The following MAP3K20 variants were observed in gnomAD, a reference collection of about 807,000 sequenced individuals.
MAP3K20 encodes the protein mitogen-activated protein kinase kinase kinase 20, also known as HCCS-4.
MAP3K20 carries 40 observed loss-of-function variants against 85.7 expected under a neutral mutation model. The ratio of observed to expected loss-of-function variants is 0.47; its 90% CI spans 0.36 to 0.61. The LOEUF is 0.61. Ranked by LOEUF, MAP3K20 falls within the 20% of genes least tolerant of loss-of-function variation. The probability of loss-of-function intolerance (pLI) is 0.00; values close to 1 mark genes in which losing one functional copy is unlikely to be tolerated. For synonymous variants in MAP3K20, 325 were observed against 327.7 expected (o/e 0.99, Z 0.09); for missense variants, 817 against 961.7 (o/e 0.85, Z 1.99).
intron 2 of MAP3K20, among the ~76,000 whole-genome samples, chr2:173,121,465 T>C (rs776110983): frequency 7.9e-5 from 12 of 152,248 alleles, no homozygotes; most frequent in East Asian, 3.9e-4. Flanking sequence ...CGGCTCACTG[T>C]AAGCTCTGCC....
chr2:173,120,769 A>G (rs1353677927), intron 2 of MAP3K20, among the ~76,000 whole-genome samples: 1 of 121,208 alleles, frequency 8.3e-6, no homozygotes, highest in South Asian at 2.7e-4. Context: ...GTGCAGTGGC[A>G]TGATCTCGGC....
intron 11 of MAP3K20, chr2:173,225,973 CTTTT>C: frequency 1.0e-6 from 1 of 984,886 alleles, no homozygotes; most frequent in South Asian, 4.7e-5. Context: ...TTAAAGCCTC[CTTTT>C]TCTACTCATT....
intron 11 of MAP3K20, chr2:173,223,804 T>C (rs992460198): frequency 5.6e-5 from 55 of 985,400 alleles, no homozygotes; most frequent in Non-Finnish European, 6.5e-5. Context: ...TGCTCAGACA[T>C]AGAGAAGTAC....
chr2:173,108,972 C>T (rs1687863990), intron 2 of MAP3K20, among the ~76,000 whole-genome samples: 1 of 152,192 alleles, frequency 6.6e-6, no homozygotes, highest in Admixed American at 6.5e-5. Flanking sequence ...GTTCACCCCT[C>T]TGTTGAGTTT....
At chr2:173,084,327 G>A (rs1226678081) in intron 1 of MAP3K20, among the ~76,000 whole-genome samples, 1 of 151,810 alleles carries the variant, frequency 6.6e-6, no homozygotes, top group African/African-American at 2.4e-5. Context: ...AAAGAAGACC[G>A]TGGTCACTGG....
In MAP3K20 at chr2:173,223,146, G is replaced by A. The variant is rs1427771183; in HGVS notation, c.987+5896G>A. On this transcript the variant is annotated intron_variant, in intron 11 of 19. Coordinates refer to ENST00000375213, the MANE Select transcript of MAP3K20 (RefSeq NM_016653.3). Reference sequence around the variant, plus strand: ...AATACCACATAATGATCAGTATGCTGTGCCAGCTTCATTTGGGGAGAAATA... The same window carrying A: ...AATACCACATAATGATCAGTATGCTATGCCAGCTTCATTTGGGGAGAAATA... 6.1e-6 allele frequency: 6 copies of A among 985,272 alleles called. No homozygotes were observed. The African/African-American group carries it at 8.7e-5, about 14-fold the overall frequency. 61.0% of individuals were successfully genotyped at this position (985,272 alleles called of 1,614,324 possible).
chr2:173,138,615 G>A (rs1033902544), intron 2 of MAP3K20, among the ~76,000 whole-genome samples: 1 of 152,158 alleles, frequency 6.6e-6, no homozygotes, highest in African/African-American at 2.4e-5. Context: ...GTTCAGATAG[G>A]TGATGTTCAG....
intron 7 of MAP3K20, among the ~76,000 whole-genome samples, chr2:173,195,609 T>TA (rs1425338858): frequency 3.3e-5 from 5 of 152,350 alleles, no homozygotes; most frequent in African/African-American, 1.2e-4. Flanking sequence ...TCAGTAAAGT[T>TA]ACTTTTGTAT....
chr2:173,239,765 GGGGCCGT>G (rs1288895027), intron 16 of MAP3K20, among the ~76,000 whole-genome samples: 1 of 152,184 alleles, frequency 6.6e-6, no homozygotes, highest in Non-Finnish European at 1.5e-5. Flanking sequence ...ACAGGGAAGG[GGGGCCGT>G]GGATACCAGA....
At chr2:173,230,549 A>G (rs545810003) in intron 12 of MAP3K20, among the ~76,000 whole-genome samples, 16 of 152,302 alleles carry the variant, frequency 1.1e-4, no homozygotes, top group Admixed American at 5.9e-4. Flanking sequence ...GAGAAGCCCT[A>G]TGTTTTTGAG....
At position 173,256,506 on chromosome 2, in the gene MAP3K20, T is replaced by TAGACAGAC. The variant is rs1279784010; in HGVS notation, c.1360-2190_1360-2189insCAGACAGA. On this transcript the variant is annotated intron_variant, in intron 16 of 19. Coordinates refer to ENST00000375213, the MANE Select transcript of MAP3K20 (RefSeq NM_016653.3). ...ATAGATAGATAGATAGATAGATAGA[T>TAGACAGAC]AGATAGATAGATAGATAGATAGATA... is the stretch of plus-strand genomic sequence containing the variant. Among the ~76,000 whole-genome samples the TAGACAGAC allele has an allele frequency of 1.2e-4, 18 of 148,920 alleles. No individual in the cohort carries two copies. In the South Asian group the frequency reaches 3.6e-3, roughly 30 times the overall value.
intron 11 of MAP3K20, among the ~76,000 whole-genome samples, chr2:173,220,821 G>A (rs1684224320): frequency 6.6e-6 from 1 of 152,126 alleles, no homozygotes; most frequent in African/African-American, 2.4e-5. Context: ...AAGTGAAATT[G>A]GGAAAAGTCA....
intron 2 of MAP3K20, among the ~76,000 whole-genome samples, chr2:173,142,808 A>T (rs1689016171): frequency 6.6e-6 from 1 of 152,216 alleles, no homozygotes; most frequent in Non-Finnish European, 1.5e-5. Context: ...ACATAATTAC[A>T]TTAAGTATAA....
intron 11 of MAP3K20, chr2:173,223,448 C>A: frequency 2.0e-6 from 2 of 985,316 alleles, no homozygotes; most frequent in Non-Finnish European, 2.4e-6. Flanking sequence ...ATGTTAGCTA[C>A]TATGAATGGT....
In MAP3K20 at chr2:173,083,392, C is replaced by T. The variant is rs1687062641; in HGVS notation, c.-35+7390C>T. Among the ~76,000 whole-genome samples the T allele has an allele frequency of 2.6e-5, 4 of 151,636 alleles. No homozygotes were observed. The South Asian group carries it at 8.3e-4, about 32-fold the overall frequency. On this transcript the variant is annotated intron_variant, in intron 1 of 19. Transcript: ENST00000375213. ...TTTTTTTGAGACAGAGTCTCACTGT[C>T]ACCCAGGCTGGAGTGCAGTGGCGTA...
chr2:173,170,851 G>A (rs888951119), intron 3 of MAP3K20, among the ~76,000 whole-genome samples: 3 of 152,066 alleles, frequency 2.0e-5, no homozygotes, highest in Non-Finnish European at 2.9e-5. Flanking sequence ...GAACCAAAGC[G>A]GTATAAATTT....
chr2:173,176,036 G>A (rs1228325177), intron 3 of MAP3K20, among the ~76,000 whole-genome samples: 2 of 152,074 alleles, frequency 1.3e-5, no homozygotes, highest in African/African-American at 2.4e-5. Flanking sequence ...ATGTAAAGAG[G>A]TTAGCGAGAT....
At chr2:173,201,351 T>C (rs1559275717) in intron 8 of MAP3K20, among the ~76,000 whole-genome samples, 1 of 152,192 alleles carries the variant, frequency 6.6e-6, no homozygotes, top group Non-Finnish European at 1.5e-5. Context: ...TATATTTGCT[T>C]TTGTCATTTC....
chr2:173,188,229 C>T (rs1280332442), intron 5 of MAP3K20, among the ~76,000 whole-genome samples: 2 of 152,048 alleles, frequency 1.3e-5, no homozygotes, highest in Non-Finnish European at 2.9e-5. Flanking sequence ...GGAGGGTGAG[C>T]ATTTTAAAAT....
Sources: gnomAD v4.1 joint callset for allele counts (sites outside exome capture counted in the v4.1 genomes callset) on GRCh38, gnomAD v4.1.1 for gene constraint, MANE v1.5 for transcripts, NCBI Gene and HGNC (gene_info 2026-07-23, HGNC 2026-07-21) for gene names.